KCNV2: variants seen among roughly 807,000 people sequenced by gnomAD.
The protein encoded by KCNV2 is potassium voltage-gated channel modifier subfamily V member 2, also known as potassium voltage-gated channel subfamily V member 2.
In KCNV2, 65 loss-of-function variants were observed where a neutral mutation model predicts 37.0. The observed-to-expected ratio is 1.76, with a 90% CI of 1.44 to 2.16. The LOEUF is 2.16. KCNV2 is among the 30% of genes most tolerant of loss of function. KCNV2 has a pLI of 0.00. For missense variants in KCNV2, 1,232 were observed against 766.7 expected (o/e 1.61, Z -7.17); for synonymous variants, 518 against 328.6 (o/e 1.58, Z -6.23).
At chr9:2,723,009 A>C (rs1211616270) in intron 1 of KCNV2, among the ~76,000 whole-genome samples, 1 of 152,206 alleles carries the variant, frequency 6.6e-6, no homozygotes, top group Non-Finnish European at 1.5e-5. Context: ...GCTGCAAGTC[A>C]AAGGGCAGGG....
intron 1 of KCNV2, among the ~76,000 whole-genome samples, chr9:2,722,148 AAGTTATTTATAAATAAATTAGAAGTT>A (rs1386163146): frequency 7.3e-6 from 1 of 136,914 alleles, no homozygotes; most frequent in African/African-American, 3.1e-5. Context: ...AATAAATTAG[AAGTTATTTATAAATAAATTAGAAGTT>A]ATTTATAAAT....
chr9:2,726,284 G>A lies in KCNV2; in HGVS notation c.1357-3162G>A, dbSNP rs115586969. Among the ~76,000 whole-genome samples, 1,431 of 152,228 alleles carry A rather than the reference G, an allele frequency of 9.4e-3. 22 individuals carry two copies. The highest frequency in any genetic ancestry group is 0.032 in the African/African-American group (1,349 of 41,538). ...TCACTTGTTGAGTCAAATTATTCACGAAATAGACAACATATAAATTAACTG... is the reference window on the plus strand; with the variant it reads ...TCACTTGTTGAGTCAAATTATTCACAAAATAGACAACATATAAATTAACTG... On this transcript the variant is annotated intron_variant, in intron 1 of 1. Coordinates refer to ENST00000382082, the MANE Select transcript of KCNV2 (RefSeq NM_133497.4).
intron 1 of KCNV2, among the ~76,000 whole-genome samples, chr9:2,721,057 T>C (rs923289072): frequency 2.0e-5 from 3 of 152,224 alleles, no homozygotes; most frequent in Non-Finnish European, 4.4e-5. Flanking sequence ...TTTACAAAAA[T>C]TGAATCACCA....
chr9:2,717,546 G>A lies in KCNV2; in HGVS notation c.-194G>A. 2 of 639,188 alleles carry A rather than the reference G, an allele frequency of 3.1e-6. No homozygotes were observed. The highest frequency in any genetic ancestry group is 3.8e-5 in the South Asian group (2 of 53,176). 39.6% of individuals were successfully genotyped at this position (639,188 alleles called of 1,614,324 possible). On this transcript the variant is annotated 5_prime_UTR_variant, in exon 1 of 2. Coordinates refer to ENST00000382082, the MANE Select transcript of KCNV2 (RefSeq NM_133497.4). ...CAGCTGACTGCGTTCAGACCCTGCA[G>A]GCTGGGCTGGCCTGCCCAGGACCTG...
chr9:2,722,179 A>G (rs1413700589), intron 1 of KCNV2, among the ~76,000 whole-genome samples: 1 of 142,002 alleles, frequency 7.0e-6, no homozygotes, highest in Non-Finnish European at 1.5e-5. Flanking sequence ...GAAGTTATTT[A>G]TAAATAAAAT....
At chr9:2,721,374 G>C (rs542232201) in intron 1 of KCNV2, among the ~76,000 whole-genome samples, 1 of 152,304 alleles carries the variant, frequency 6.6e-6, no homozygotes, top group East Asian at 1.9e-4. Context: ...CCCCAGGACT[G>C]CTATGTTATT....
At chr9:2,723,560 G>A (rs943558902) in intron 1 of KCNV2, among the ~76,000 whole-genome samples, 5 of 150,416 alleles carry the variant, frequency 3.3e-5, no homozygotes, top group Non-Finnish European at 7.3e-5. Context: ...GAGGTTATTT[G>A]TGAGCACTAA....
At position 2,729,427 on chromosome 9, in the gene KCNV2, T is replaced by G. The variant is rs753508225; in HGVS notation, c.1357-19T>G. On this transcript the variant is annotated intron_variant, in intron 1 of 1. Transcript: ENST00000382082. The stretch of plus-strand genomic sequence containing the variant: ...GATCTTAGTGCTAACAATTCCATCC[T>G]GCTTTCCTTCCTCTACAGGTGAGCA... 1.2e-6 allele frequency: 2 copies of G among 1,612,672 alleles called. No homozygotes were observed. Among genetic ancestry groups the G allele is most frequent in the African/African-American group, 2.7e-5 (2 of 74,898 alleles).
rs1819752987 is a variant in KCNV2, at chr9:2,717,635, T to G, written c.-105T>G. On this transcript the variant is annotated 5_prime_UTR_variant, in exon 1 of 2. Coordinates refer to ENST00000382082, the MANE Select transcript of KCNV2 (RefSeq NM_133497.4). ...CTGTGCTGGTCCGGGCTGGCCTCTC[T>G]AAGACAGTGCAGGCCACGTGATCCA... The G allele has an allele frequency of 6.8e-7, 1 of 1,470,610 alleles. No individual in the cohort carries two copies. Among genetic ancestry groups the G allele is most frequent in the Admixed American group, 1.7e-5 (1 of 58,596 alleles). 91.1% of individuals were successfully genotyped at this position (1,470,610 alleles called of 1,614,324 possible). A position where few individuals can be genotyped will look rare whatever the true frequency, so the allele number is the denominator to read the frequency against.
intron 1 of KCNV2, 63 bp downstream of exon 1, chr9:2,719,158 C>T: frequency 1.3e-6 from 2 of 1,573,736 alleles, no homozygotes; most frequent in Non-Finnish European, 1.7e-6. Context: ...GCTCCTCCCT[C>T]CCCTGGTTAT....
At position 2,725,579 on chromosome 9, in the gene KCNV2, T is replaced by C. The variant is rs148187296; in HGVS notation, c.1357-3867T>C. 1.2e-3 allele frequency among the ~76,000 whole-genome samples: 176 copies of C among 152,318 alleles called. 1 individual carries two copies. Among genetic ancestry groups the C allele is most frequent in the African/African-American group, 3.8e-3 (156 of 41,566 alleles). On this transcript the variant is annotated intron_variant, in intron 1 of 1. Transcript: ENST00000382082. ...ATTCCAAATATACTTGTTGCAATAATAGCATGAGTAAGTACAGCCTTTGAA... is the reference window on the plus strand; with the variant it reads ...ATTCCAAATATACTTGTTGCAATAACAGCATGAGTAAGTACAGCCTTTGAA...
At position 2,718,365 on chromosome 9, in the gene KCNV2, A is replaced by T. The variant is rs1819782547; in HGVS notation, c.626A>T (p.Glu209Val). The change falls in exon 1 of 2, where the codon GAG becomes GTG. Residue 209 changes from glutamate (E) to valine (V), a missense_variant. Physicochemically the swap from Glu to Val is moderately radical, Grantham distance 121 (BLOSUM62 -2). Transcript: ENST00000382082. ...CRICFEERRD[E>V]LSERLKIQHE... Reference sequence around the variant, plus strand: ...ATCTGCTTCGAGGAGCGGCGCGACGAGCTGAGCGAACGGCTCAAGATCCAG... The same window carrying T: ...ATCTGCTTCGAGGAGCGGCGCGACGTGCTGAGCGAACGGCTCAAGATCCAG... The T allele has an allele frequency of 6.3e-7, 1 of 1,599,442 alleles. No homozygotes were observed. Among genetic ancestry groups the T allele is most frequent in the African/African-American group, 1.3e-5 (1 of 74,812 alleles).
At chr9:2,725,019 G>A (rs937042595) in intron 1 of KCNV2, among the ~76,000 whole-genome samples, 2 of 152,168 alleles carry the variant, frequency 1.3e-5, no homozygotes, top group African/African-American at 4.8e-5. Context: ...CCCAATTTTG[G>A]AGTGGTCTCC....
chr9:2,718,296 G>GCTA lies in KCNV2; in HGVS notation c.560_562dup (p.Tyr187dup). ...CCGCGCCGCTTCCTGGAGGAGCTGG[G>GCTA]CTACTGGGGCGTGCGGCTCAAGTAC... is the stretch of plus-strand genomic sequence containing the variant. On this transcript the variant is annotated inframe_insertion, in exon 1 of 2. Coordinates refer to ENST00000382082, the MANE Select transcript of KCNV2 (RefSeq NM_133497.4). 6.2e-7 allele frequency: 1 copy of GCTA among 1,610,374 alleles called. No homozygotes were observed. The highest frequency in any genetic ancestry group is 8.5e-7 in the Non-Finnish European group (1 of 1,179,524).
chr9:2,728,785 T>C (rs1041916933), intron 1 of KCNV2, among the ~76,000 whole-genome samples: 2 of 152,146 alleles, frequency 1.3e-5, no homozygotes, highest in African/African-American at 4.8e-5. Context: ...TTCATGCCTT[T>C]TGTATGCCTG....
At chr9:2,725,848 C>T (rs1819959953) in intron 1 of KCNV2, among the ~76,000 whole-genome samples, 1 of 152,158 alleles carries the variant, frequency 6.6e-6, no homozygotes, top group Non-Finnish European at 1.5e-5. Flanking sequence ...CAAGTATTCT[C>T]AAGTTTTGGA....
chr9:2,723,726 T>C (rs1014306189), intron 1 of KCNV2, among the ~76,000 whole-genome samples: 1 of 152,202 alleles, frequency 6.6e-6, no homozygotes, highest in African/African-American at 2.4e-5. Flanking sequence ...ATGATTCTTT[T>C]TCTACTGAGG....
In KCNV2 at chr9:2,718,188, T is replaced by A. The variant is rs1419285928; in HGVS notation, c.449T>A (p.Phe150Tyr). 1.2e-6 allele frequency: 2 copies of A among 1,613,360 alleles called. No homozygotes were observed. The highest frequency in any genetic ancestry group is 2.2e-5 in the South Asian group (2 of 90,954). ...TACGAGGAGCAGACAGACGAATACT[T>A]CTTCGACCGCGACCCGGCCGTCTTC... is the stretch of plus-strand genomic sequence containing the variant. ...DDYEEQTDEY[F>Y]FDRDPAVFQL... Residue 150 changes from phenylalanine (F) to tyrosine (Y), a missense_variant, in exon 1 of 2, where the codon TTC (phenylalanine) becomes TAC (tyrosine). Coordinates refer to ENST00000382082, the MANE Select transcript of KCNV2 (RefSeq NM_133497.4).
chr9:2,719,456 G>C (rs1044604522), intron 1 of KCNV2, among the ~76,000 whole-genome samples: 3 of 152,028 alleles, frequency 2.0e-5, no homozygotes, highest in African/African-American at 7.2e-5. Flanking sequence ...CAGCCTTTGA[G>C]ATGGTTATGA....
Sources: gnomAD v4.1 joint callset for allele counts (sites outside exome capture counted in the v4.1 genomes callset) on GRCh38, gnomAD v4.1.1 for gene constraint, MANE v1.5 for transcripts, NCBI Gene and HGNC (gene_info 2026-07-23, HGNC 2026-07-21) for gene names.